The following TSHZ1 variants were observed in gnomAD, a reference collection of about 807,000 sequenced individuals.
The protein encoded by TSHZ1 is teashirt zinc finger homeobox 1, also known as teashirt homolog 1.
In TSHZ1, 12 loss-of-function variants were observed where a neutral mutation model predicts 67.1. The ratio of observed to expected loss-of-function variants is 0.18; its 90% confidence interval spans 0.11 to 0.29. The LOEUF is 0.29. Ranked by LOEUF, TSHZ1 falls within the 10% of genes least tolerant of loss-of-function variation. The probability of loss-of-function intolerance (pLI) is 1.00; values close to 1 mark genes in which losing one functional copy is unlikely to be tolerated. For synonymous variants in TSHZ1, 632 were observed against 622.4 expected (o/e 1.02, Z -0.23); for missense variants, 1,305 against 1,413.9 (o/e 0.92, Z 1.23).
chr18:75,233,401 A>G (rs997725473), intron 1 of TSHZ1, among the ~76,000 whole-genome samples: 2 of 152,318 alleles, frequency 1.3e-5, no homozygotes, highest in East Asian at 3.9e-4. Flanking sequence ...GCTGATTTTC[A>G]TGGTGAATGT....
chr18:75,230,832 ACT>A (rs1019996434), intron 1 of TSHZ1, among the ~76,000 whole-genome samples: 2 of 152,090 alleles, frequency 1.3e-5, no homozygotes, highest in African/African-American at 4.8e-5. Flanking sequence ...TTGACTGGAA[ACT>A]CACAGATACT....
At chr18:75,278,020 C>T (rs1174010583) in intron 1 of TSHZ1, among the ~76,000 whole-genome samples, 1 of 152,070 alleles carries the variant, frequency 6.6e-6, no homozygotes, top group African/African-American at 2.4e-5. Flanking sequence ...CCTTCCATCT[C>T]TCTCTCCTTC....
rs1399259844 is a variant in TSHZ1, at chr18:75,269,735, C to T, written c.41-15713C>T. Among the ~76,000 whole-genome samples the T allele has an allele frequency of 2.0e-5, 3 of 152,124 alleles. No individual in the cohort carries two copies. The East Asian group carries it at 5.8e-4, about 29-fold the overall frequency. Reference sequence around the variant, plus strand: ...TGCATTGCTGTGTAGCCATCACCACCCCATCCATTCCCAGAACTTTTTCAT... The same window carrying T: ...TGCATTGCTGTGTAGCCATCACCACTCCATCCATTCCCAGAACTTTTTCAT... On this transcript the variant is annotated intron_variant, in intron 1 of 1. Transcript: ENST00000580243.
intron 1 of TSHZ1, chr18:75,284,241 T>C (rs771915058): frequency 2.6e-5 from 4 of 152,696 alleles, no homozygotes; most frequent in African/African-American, 4.8e-5. Context: ...TCTCGGTTTC[T>C]CTGCCTTCCA....
intron 1 of TSHZ1, chr18:75,283,299 T>C (rs571605034): frequency 6.6e-6 from 1 of 152,436 alleles, no homozygotes; most frequent in Admixed American, 6.5e-5. Context: ...GTCTGACCAG[T>C]GGTTCTTAAA....
intron 1 of TSHZ1, among the ~76,000 whole-genome samples, chr18:75,229,988 A>ATACC (rs2022977026): frequency 1.3e-5 from 2 of 152,186 alleles, no homozygotes; most frequent in Non-Finnish European, 1.5e-5. Context: ...GATACTGGGT[A>ATACC]TTTTAGAGGA....
At chr18:75,256,970 T>C (rs936735847) in intron 1 of TSHZ1, among the ~76,000 whole-genome samples, 6 of 151,482 alleles carry the variant, frequency 4.0e-5, no homozygotes, top group African/African-American at 1.2e-4. Context: ...GGGGAAATGC[T>C]GCTCTTTTTA....
chr18:75,252,938 C>T (rs187982069), intron 1 of TSHZ1, among the ~76,000 whole-genome samples: 47 of 152,226 alleles, frequency 3.1e-4, no homozygotes, highest in African/African-American at 1.1e-3. Flanking sequence ...CCTAAAGAAA[C>T]TTTAGAATCA....
chr18:75,287,729 G>T lies in TSHZ1; in HGVS notation c.2322G>T (p.Leu774=). 1 of 1,614,142 alleles carries T rather than the reference G, an allele frequency of 6.2e-7. No homozygotes were observed. Among genetic ancestry groups the T allele is most frequent in the South Asian group, 1.1e-5 (1 of 91,090 alleles). The change falls in exon 2 of 2, where the codon CTG becomes CTT. Residue 774 remains leucine, a synonymous_variant. Transcript: ENST00000580243. The surrounding 1 kb of genome is among the most constrained non-coding windows in gnomAD (Gnocchi z 5.0). ...CCTCGCTGGACCCGCTGGCGATGCT[G>T]TACAAGATCAGCAACAGCATGCTGG... The part of the protein sequence containing the change: ...VSPSLDPLAM[L]YKISNSMLDK...
intron 1 of TSHZ1, among the ~76,000 whole-genome samples, chr18:75,237,243 C>A (rs2023084912): frequency 6.6e-6 from 1 of 152,150 alleles, no homozygotes; most frequent in Non-Finnish European, 1.5e-5. Context: ...ACAGTCAGGC[C>A]AGGTGCGGTA....
chr18:75,247,052 G>A (rs1028397593), intron 1 of TSHZ1, among the ~76,000 whole-genome samples: 1 of 152,110 alleles, frequency 6.6e-6, no homozygotes, highest in Admixed American at 6.5e-5. Context: ...CTTTTTGCTC[G>A]AGCAAATGGA....
chr18:75,236,324 A>G (rs1041863701), intron 1 of TSHZ1, among the ~76,000 whole-genome samples: 14 of 152,012 alleles, frequency 9.2e-5, no homozygotes. Flanking sequence ...CCTTTCTTTA[A>G]ATCACACCAC....
intron 1 of TSHZ1, among the ~76,000 whole-genome samples, chr18:75,220,241 C>G (rs1393502930): frequency 6.6e-6 from 1 of 152,024 alleles, no homozygotes; most frequent in Non-Finnish European, 1.5e-5. Context: ...AATTTTTTTG[C>G]GTGTGTGCCT....
chr18:75,224,019 C>T (rs2022884274), intron 1 of TSHZ1, among the ~76,000 whole-genome samples: 1 of 149,122 alleles, frequency 6.7e-6, no homozygotes, highest in Non-Finnish European at 1.5e-5. Flanking sequence ...GTTCATGTAC[C>T]CACAGATGGC....
chr18:75,263,972 T>G (rs1328066305), intron 1 of TSHZ1, among the ~76,000 whole-genome samples: 1 of 152,228 alleles, frequency 6.6e-6, no homozygotes, highest in African/African-American at 2.4e-5. Flanking sequence ...TATACTACAT[T>G]CTATTCCATT....
intron 1 of TSHZ1, among the ~76,000 whole-genome samples, chr18:75,224,013 A>T (rs2022884160): frequency 6.7e-6 from 1 of 149,500 alleles, no homozygotes; most frequent in Admixed American, 6.7e-5. Context: ...TTCATAGTTC[A>T]TGTACCCACA....
chr18:75,232,200 A>T (rs2023008788), intron 1 of TSHZ1, among the ~76,000 whole-genome samples: 1 of 152,210 alleles, frequency 6.6e-6, no homozygotes, highest in Non-Finnish European at 1.5e-5. Flanking sequence ...GGCGTGAGCC[A>T]CTGCGCCCGG....
intron 1 of TSHZ1, among the ~76,000 whole-genome samples, chr18:75,267,901 A>G (rs1357076698): frequency 6.6e-6 from 1 of 152,198 alleles, no homozygotes; most frequent in Non-Finnish European, 1.5e-5. Context: ...CTCAGGGACA[A>G]GGTCAGAATT....
intron 1 of TSHZ1, among the ~76,000 whole-genome samples, chr18:75,257,958 C>T (rs59291591): frequency 0.13 from 19,894 of 152,184 alleles, 1,643 homozygotes; most frequent in East Asian, 0.31. Flanking sequence ...GACGTCACAG[C>T]CTCGTCATCA....
Sources: allele counts gnomAD v4.1 joint callset (sites outside exome capture counted in the v4.1 genomes callset), GRCh38; gene constraint gnomAD v4.1.1; non-coding constraint Gnocchi (gnomAD v3.1); transcripts MANE v1.5; gene names NCBI Gene and HGNC (gene_info 2026-07-23, HGNC 2026-07-21).